BCKDHB: variants seen among roughly 807,000 people sequenced by gnomAD.
BCKDHB encodes branched chain keto acid dehydrogenase E1 subunit beta.
BCKDHB carries 41 observed loss-of-function variants against 48.5 expected under a neutral mutation model. The observed-to-expected ratio is 0.85, with a 90% CI of 0.66 to 1.10. The LOEUF (loss-of-function observed/expected upper bound fraction) is 1.10, where lower values mean the gene tolerates loss of function less well. BCKDHB is among the 50% of genes least tolerant of loss of function. The probability of loss-of-function intolerance (pLI) is 0.00; values close to 1 mark genes in which losing one functional copy is unlikely to be tolerated. For synonymous variants in BCKDHB, 201 were observed against 174.8 expected (o/e 1.15, Z -1.18); for missense variants, 496 against 494.2 (o/e 1.00, Z -0.03).
chr6:80,404,020 G>GTAT, the BCKDHB span, among the ~76,000 whole-genome samples: 1 of 151,824 alleles, frequency 6.6e-6, no homozygotes, highest in Non-Finnish European at 1.5e-5. Flanking sequence ...CTCATCAGGG[G>GTAT]TATTGGCTTG....
the BCKDHB span, among the ~76,000 whole-genome samples, chr6:80,376,116 A>G: frequency 6.2e-3 from 947 of 152,254 alleles, 10 homozygotes; most frequent in African/African-American, 0.022. Flanking sequence ...TGGGAAGAGA[A>G]AGACCATCAG....
intron 1 of BCKDHB, among the ~76,000 whole-genome samples, chr6:80,109,654 G>A (rs1188903979): frequency 6.6e-6 from 1 of 151,956 alleles, no homozygotes; most frequent in Non-Finnish European, 1.5e-5. Flanking sequence ...CCATGTTTTT[G>A]TTAAATTGAT....
intron 8 of BCKDHB, among the ~76,000 whole-genome samples, chr6:80,211,118 A>G (rs1774912709): frequency 1.3e-5 from 2 of 152,192 alleles, no homozygotes; most frequent in Non-Finnish European, 2.9e-5. Flanking sequence ...ATCTAGAATC[A>G]ACTACATAAC....
rs150283921 is a variant in BCKDHB, at chr6:80,237,312, C to T, written c.951+34100C>T. Among the ~76,000 whole-genome samples the T allele has an allele frequency of 7.9e-5, 12 of 152,250 alleles. No individual in the cohort carries two copies. The South Asian group carries it at 1.7e-3, about 21-fold the overall frequency. ...ATGTCACTGAGGATAATCAAGCATT[C>T]GGCTGATTGAGTAACTGAACTAGGT... On this transcript the variant is annotated intron_variant, in intron 8 of 9. Coordinates refer to ENST00000320393, the MANE Select transcript of BCKDHB (RefSeq NM_183050.4).
intron 9 of BCKDHB, among the ~76,000 whole-genome samples, chr6:80,314,786 C>T (rs371517243): frequency 5.3e-5 from 8 of 152,274 alleles, no homozygotes; most frequent in African/African-American, 1.2e-4. Context: ...AGAATATGGG[C>T]TGGTAGGGGG....
At chr6:80,466,529 T>TAA in the BCKDHB span, among the ~76,000 whole-genome samples, 5 of 152,162 alleles carry the variant, frequency 3.3e-5, no homozygotes, top group Non-Finnish European at 7.3e-5. Flanking sequence ...AATATATATA[T>TAA]AACTATGTTA....
chr6:80,322,257 G>GTTTTTTTTTTTA (rs1415925449), intron 9 of BCKDHB, among the ~76,000 whole-genome samples: 1 of 24,568 alleles, frequency 4.1e-5, no homozygotes, highest in South Asian at 1.2e-3. Flanking sequence ...TTTTTTTTTG[G>GTTTTTTTTTTTA]TGACGGAGTC....
the BCKDHB span, among the ~76,000 whole-genome samples, chr6:80,455,668 A>C: frequency 6.6e-6 from 1 of 151,894 alleles, no homozygotes; most frequent in Non-Finnish European, 1.5e-5. Context: ...TATCCCCTAC[A>C]GGACCGGATC....
At chr6:80,254,075 G>A (rs1776948386) in intron 8 of BCKDHB, among the ~76,000 whole-genome samples, 1 of 151,892 alleles carries the variant, frequency 6.6e-6, no homozygotes. Flanking sequence ...CATGTGCAAT[G>A]TGCCTCAGGT....
the BCKDHB span, among the ~76,000 whole-genome samples, chr6:80,361,115 C>G: frequency 6.6e-6 from 1 of 152,116 alleles, no homozygotes; most frequent in Non-Finnish European, 1.5e-5. Flanking sequence ...CTCCCGGTAT[C>G]TCTCTATCCT....
At chr6:80,187,006 A>G (rs1011846165) in intron 6 of BCKDHB, among the ~76,000 whole-genome samples, 1 of 152,162 alleles carries the variant, frequency 6.6e-6, no homozygotes, top group East Asian at 1.9e-4. Context: ...TTTCAAAGTA[A>G]GTAGCCTGTG....
chr6:80,173,365 T>C (rs777700890), intron 6 of BCKDHB, among the ~76,000 whole-genome samples: 2 of 152,114 alleles, frequency 1.3e-5, no homozygotes, highest in Admixed American at 6.6e-5. Flanking sequence ...CACAGTGATA[T>C]TGGCTCTTTC....
chr6:80,239,020 T>C (rs1776267430), intron 8 of BCKDHB, among the ~76,000 whole-genome samples: 1 of 152,214 alleles, frequency 6.6e-6, no homozygotes, highest in African/African-American at 2.4e-5. Context: ...TTTGGGTTGG[T>C]TCCAAGTCTT....
chr6:80,196,840 G>A (rs542963072), intron 6 of BCKDHB, among the ~76,000 whole-genome samples: 140 of 126,880 alleles, frequency 1.1e-3, no homozygotes, highest in South Asian at 2.9e-3. Flanking sequence ...GTACACGGAA[G>A]TGTATATGTG....
Position 80,174,068 on chromosome 6 carries a change from T to C in BCKDHB, c.742+2678T>C, listed in dbSNP as rs571279014. Among the ~76,000 whole-genome samples, 7 of 152,318 alleles carry C rather than the reference T, an allele frequency of 4.6e-5. No homozygotes were observed. In the East Asian group the frequency reaches 7.7e-4, roughly 17 times the overall value. ...GCCTGACAATTTCTAAGTGGTAGTA[T>C]ACTTGCAGTATCCATAAGTAAAAAT... On this transcript the variant is annotated intron_variant, in intron 6 of 9. Transcript: ENST00000320393.
At chr6:80,183,406 G>A (rs951890533) in intron 6 of BCKDHB, among the ~76,000 whole-genome samples, 1 of 152,128 alleles carries the variant, frequency 6.6e-6, no homozygotes, top group Non-Finnish European at 1.5e-5. Context: ...TTATTCACTT[G>A]TGTATCAGAA....
At chr6:80,350,421 C>G (rs556730392), downstream of BCKDHB, among the ~76,000 whole-genome samples, 1 of 151,338 alleles carries the variant, frequency 6.6e-6, no homozygotes, top group African/African-American at 2.4e-5. Context: ...CTGTATATGT[C>G]TGTATCCTGT....
At chr6:80,363,407 G>C in the BCKDHB span, among the ~76,000 whole-genome samples, 1 of 152,080 alleles carries the variant, frequency 6.6e-6, no homozygotes, top group Non-Finnish European at 1.5e-5. Context: ...TTTTTCAAGA[G>C]CTTATCTTTA....
intron 9 of BCKDHB, among the ~76,000 whole-genome samples, chr6:80,323,380 A>G (rs1474791): frequency 0.45 from 68,000 of 152,038 alleles, 16,666 homozygotes; most frequent in Admixed American, 0.61. Flanking sequence ...CTGTAACTGC[A>G]CAGAAAAGTG....
Sources: gnomAD v4.1 joint callset for allele counts (sites outside exome capture counted in the v4.1 genomes callset) on GRCh38, gnomAD v4.1.1 for gene constraint, MANE v1.5 for transcripts, NCBI Gene and HGNC (gene_info 2026-07-23, HGNC 2026-07-21) for gene names.